The following FGF14 variants were observed in gnomAD, a reference collection of about 807,000 sequenced individuals.
FGF14 encodes fibroblast growth factor 14.
Under a neutral mutation model 25.5 loss-of-function variants are expected in FGF14, and 5 were observed. That is an observed-to-expected ratio of 0.20 (90% CI 0.10 to 0.41). The LOEUF is 0.41. FGF14 is among the 10% of genes least tolerant of loss of function. The probability of loss-of-function intolerance (pLI) is 1.00; values close to 1 mark genes in which losing one functional copy is unlikely to be tolerated. For synonymous variants in FGF14, 138 were observed against 118.3 expected (o/e 1.17, Z -1.08); for missense variants, 222 against 320.1 (o/e 0.69, Z 2.34).
chr13:102,161,662 A>AAGG (rs1566765430), intron 1 of FGF14, among the ~76,000 whole-genome samples: 1 of 25,660 alleles, frequency 3.9e-5, no homozygotes, highest in Non-Finnish European at 8.6e-5. Context: ...GAAGAAGAAG[A>AAGG]AGAAGAAGAA....
At chr13:102,241,908 A>C (rs899573089) in intron 1 of FGF14, among the ~76,000 whole-genome samples, 4 of 152,084 alleles carry the variant, frequency 2.6e-5, no homozygotes, top group Non-Finnish European at 4.4e-5. Flanking sequence ...TGTATTTAAG[A>C]TTCAAAGAAT....
At chr13:102,383,919 A>G (rs2139189885) in intron 1 of FGF14, among the ~76,000 whole-genome samples, 1 of 152,312 alleles carries the variant, frequency 6.6e-6, no homozygotes, top group East Asian at 1.9e-4. Context: ...AAAAATTTTA[A>G]TATCTTTTTT....
At chr13:101,747,247 C>A (rs2036949234) in intron 3 of FGF14, among the ~76,000 whole-genome samples, 1 of 151,962 alleles carries the variant, frequency 6.6e-6, no homozygotes, top group South Asian at 2.1e-4. Context: ...GAAAAAATGT[C>A]TTTCATCAAG....
chr13:102,309,858 T>G (rs1383696175), intron 1 of FGF14, among the ~76,000 whole-genome samples: 1 of 152,192 alleles, frequency 6.6e-6, no homozygotes, highest in Non-Finnish European at 1.5e-5. Context: ...CTGCATTTGC[T>G]TTAGCCTTTG....
intron 3 of FGF14, among the ~76,000 whole-genome samples, chr13:101,761,437 G>T (rs1336156056): frequency 6.6e-6 from 1 of 152,188 alleles, no homozygotes; most frequent in African/African-American, 2.4e-5. Flanking sequence ...CACTTGGCCA[G>T]TCAGGGGAAA....
At chr13:102,153,430 C>T (rs535947565) in intron 1 of FGF14, among the ~76,000 whole-genome samples, 11 of 152,144 alleles carry the variant, frequency 7.2e-5, no homozygotes, top group Admixed American at 2.6e-4. Flanking sequence ...GCTTCTTGCA[C>T]GCCCTTGAGC....
At chr13:101,950,074 A>G (rs1388623239) in intron 1 of FGF14, among the ~76,000 whole-genome samples, 1 of 151,588 alleles carries the variant, frequency 6.6e-6, no homozygotes, top group African/African-American at 2.4e-5. Flanking sequence ...TCTGTATGGG[A>G]CATCCTTATA....
At chr13:101,995,902 CA>C (rs998753862) in intron 1 of FGF14, among the ~76,000 whole-genome samples, 1 of 151,890 alleles carries the variant, frequency 6.6e-6, no homozygotes, top group Admixed American at 6.6e-5. Flanking sequence ...TTAAAGCATA[CA>C]AAAAATAGGA....
chr13:102,141,588 G>A (rs1005751363), intron 1 of FGF14, among the ~76,000 whole-genome samples: 2 of 152,140 alleles, frequency 1.3e-5, no homozygotes, highest in African/African-American at 4.8e-5. Context: ...TTATACTATT[G>A]TAATTTCAGA....
At chr13:102,262,706 A>C (rs2052775135) in intron 1 of FGF14, among the ~76,000 whole-genome samples, 1 of 152,194 alleles carries the variant, frequency 6.6e-6, no homozygotes, top group Non-Finnish European at 1.5e-5. Context: ...CAATGGTTGA[A>C]TAACACACTT....
At chr13:102,117,075 T>C (rs1044037714) in intron 1 of FGF14, among the ~76,000 whole-genome samples, 2 of 152,180 alleles carry the variant, frequency 1.3e-5, no homozygotes, top group Admixed American at 6.5e-5. Context: ...AGCCTACGTT[T>C]TGCCTCCGAT....
chr13:101,754,102 T>C (rs1329080711), intron 3 of FGF14, among the ~76,000 whole-genome samples: 1 of 152,222 alleles, frequency 6.6e-6, no homozygotes, highest in Non-Finnish European at 1.5e-5. Flanking sequence ...GTTTTGAGGA[T>C]GAATGTTGTC....
chr13:102,060,450 C>CG (rs773828382), intron 1 of FGF14, among the ~76,000 whole-genome samples: 128 of 152,182 alleles, frequency 8.4e-4, no homozygotes, highest in African/African-American at 3.0e-3. Flanking sequence ...GGCATGAACC[C>CG]GGGGGGCAGA....
intron 3 of FGF14, among the ~76,000 whole-genome samples, chr13:101,850,346 C>A (rs1438308426): frequency 7.0e-6 from 1 of 142,856 alleles, no homozygotes. Flanking sequence ...CCCAGCTCCT[C>A]GGGAGGCTGA....
intron 1 of FGF14, among the ~76,000 whole-genome samples, chr13:102,261,959 G>A (rs1186066636): frequency 6.6e-6 from 1 of 152,122 alleles, no homozygotes; most frequent in African/African-American, 2.4e-5. Flanking sequence ...GGAGAAAGGG[G>A]GCCCACTTAA....
At chr13:102,044,184 C>T (rs902637730) in intron 1 of FGF14, among the ~76,000 whole-genome samples, 1 of 152,122 alleles carries the variant, frequency 6.6e-6, no homozygotes. Flanking sequence ...TGGCCACTGA[C>T]ATCCCCCTTG....
intron 1 of FGF14, among the ~76,000 whole-genome samples, chr13:102,401,298 A>G (rs2058698677): frequency 6.6e-6 from 1 of 152,012 alleles, no homozygotes; most frequent in African/African-American, 2.4e-5. Context: ...GGGTTCGTAG[A>G]CGCCGATCCA....
Position 101,939,962 on chromosome 13 carries a change from G to A in FGF14, c.209-64666C>T, listed in dbSNP as rs139920986. Among the ~76,000 whole-genome samples, 311 of 152,270 alleles carry A rather than the reference G, an allele frequency of 2.0e-3. 1 individual carries two copies. Among genetic ancestry groups the A allele is most frequent in the Non-Finnish European group, 2.8e-3 (192 of 68,018 alleles). ...GAGAAAACAATAAAATTTTGCAGAC[G>A]GATATATTACAACAGACAGAACAAG... is the stretch of plus-strand genomic sequence containing the variant. On this transcript the variant is annotated intron_variant, in intron 1 of 4. Transcript: ENST00000376131.
chr13:102,271,427 G>C (rs773729377), intron 1 of FGF14, among the ~76,000 whole-genome samples: 1 of 151,936 alleles, frequency 6.6e-6, no homozygotes, highest in Non-Finnish European at 1.5e-5. Context: ...TCTGAGCCAC[G>C]CACCTCCATT....
Sources: allele counts gnomAD v4.1 joint callset (sites outside exome capture counted in the v4.1 genomes callset), GRCh38; gene constraint gnomAD v4.1.1; transcripts MANE v1.5; gene names NCBI Gene and HGNC (gene_info 2026-07-23, HGNC 2026-07-21).